The following GABBR2 variants were observed in gnomAD, a reference collection of about 807,000 sequenced individuals.
GABBR2 encodes G-protein coupled receptor 51.
A neutral mutation model predicts 105.6 loss-of-function variants in GABBR2; 23 were observed. The ratio of observed to expected loss-of-function variants is 0.22; its 90% CI spans 0.16 to 0.31. GABBR2 has a LOEUF of 0.31. Ranked by LOEUF, GABBR2 falls within the 10% of genes least tolerant of loss-of-function variation. The probability of loss-of-function intolerance (pLI) is 1.00; values close to 1 mark genes in which losing one functional copy is unlikely to be tolerated. For missense variants in GABBR2, 734 were observed against 1,245.5 expected, an observed-to-expected ratio of 0.59 and a Z score of 6.18; for synonymous variants, 478 against 499.7, an observed-to-expected ratio of 0.96 and a Z score of 0.58.
intron 6 of GABBR2, among the ~76,000 whole-genome samples, chr9:98,457,648 C>T (rs754811262): frequency 3.9e-5 from 6 of 152,130 alleles, no homozygotes; most frequent in Admixed American, 6.5e-5. Context: ...TCCTTGGAAT[C>T]AGACACAGGT....
chr9:98,520,442 T>G lies in GABBR2; in HGVS notation c.630+21431A>C, dbSNP rs534878553. Reference sequence around the variant, plus strand: ...GAAGGAGCAGATGTGTGGAGCTTGGTGACTCCCCACGGAGGGTAGGGAGGC... The same window carrying G: ...GAAGGAGCAGATGTGTGGAGCTTGGGGACTCCCCACGGAGGGTAGGGAGGC... On this transcript the variant is annotated intron_variant, in intron 3 of 18. Transcript: ENST00000259455. Among the ~76,000 whole-genome samples the G allele has an allele frequency of 2.5e-4, 38 of 152,312 alleles. 1 individual carries two copies. In the East Asian group the frequency reaches 7.0e-3, roughly 28 times the overall value.
intron 1 of GABBR2, chr9:98,607,109 GAACAA>G (rs1829436710): frequency 1.9e-6 from 3 of 1,606,420 alleles, no homozygotes; most frequent in Admixed American, 3.3e-5. Flanking sequence ...GTAGTGGGTG[GAACAA>G]TCCAAAGTTT....
chr9:98,343,614 CT>C (rs1362033733), intron 13 of GABBR2, among the ~76,000 whole-genome samples: 1 of 152,176 alleles, frequency 6.6e-6, no homozygotes, highest in Non-Finnish European at 1.5e-5. Flanking sequence ...AATCCCAGCA[CT>C]TTGGGAGGCC....
chr9:98,630,140 A>G (rs1020627344), intron 1 of GABBR2, among the ~76,000 whole-genome samples: 2 of 152,092 alleles, frequency 1.3e-5, no homozygotes, highest in African/African-American at 2.4e-5. Context: ...TGGCTCTTCT[A>G]TTACTGACAG....
At chr9:98,647,869 GC>G (rs1830046999) in intron 1 of GABBR2, among the ~76,000 whole-genome samples, 1 of 152,036 alleles carries the variant, frequency 6.6e-6, no homozygotes, top group Non-Finnish European at 1.5e-5. Context: ...CTGAAAAGAT[GC>G]CAGTTATTCA....
intron 6 of GABBR2, among the ~76,000 whole-genome samples, chr9:98,470,591 C>T (rs1174967958): frequency 1.3e-5 from 2 of 151,980 alleles, no homozygotes; most frequent in South Asian, 2.1e-4. Context: ...AGAGCTAAAC[C>T]CTATCAGTAA....
chr9:98,468,327 C>G (rs980705361), intron 6 of GABBR2, among the ~76,000 whole-genome samples: 4 of 152,174 alleles, frequency 2.6e-5, no homozygotes, highest in Non-Finnish European at 5.9e-5. Context: ...ACTGTTCTGC[C>G]CTTTTCTGTG....
chr9:98,410,120 A>AT (rs564055730), intron 7 of GABBR2, among the ~76,000 whole-genome samples: 24 of 147,302 alleles, frequency 1.6e-4, no homozygotes, highest in South Asian at 4.3e-4. Context: ...TTGAGCTGGA[A>AT]TTTTTTTTTT....
chr9:98,707,964 G>A (rs1306379879), intron 1 of GABBR2, among the ~76,000 whole-genome samples: 1 of 152,234 alleles, frequency 6.6e-6, no homozygotes, highest in Admixed American at 6.5e-5. Context: ...CGGCTTCCCT[G>A]GGGGCCTGTG....
intron 7 of GABBR2, among the ~76,000 whole-genome samples, chr9:98,453,249 C>T (rs565499012): frequency 6.6e-6 from 1 of 152,344 alleles, no homozygotes; most frequent in African/African-American, 2.4e-5. Context: ...TGCTCTCGAA[C>T]TCCTAACCTC....
At chr9:98,555,168 G>GT (rs1790230216) in intron 2 of GABBR2, among the ~76,000 whole-genome samples, 2 of 152,180 alleles carry the variant, frequency 1.3e-5, no homozygotes, top group Non-Finnish European at 2.9e-5. Context: ...GAATTAGATG[G>GT]TATTTCTTAC....
At chr9:98,309,378 C>G (rs1830602058) in intron 14 of GABBR2, among the ~76,000 whole-genome samples, 1 of 152,222 alleles carries the variant, frequency 6.6e-6, no homozygotes, top group African/African-American at 2.4e-5. Flanking sequence ...AATCAAGGAA[C>G]ATTAAGGATG....
chr9:98,666,219 A>G (rs1830331120), intron 1 of GABBR2, among the ~76,000 whole-genome samples: 1 of 152,226 alleles, frequency 6.6e-6, no homozygotes, highest in Non-Finnish European at 1.5e-5. Flanking sequence ...ACAGGGTACC[A>G]TGTTCCAGGA....
chr9:98,323,304 C>T (rs1281959213), intron 13 of GABBR2, among the ~76,000 whole-genome samples: 1 of 152,258 alleles, frequency 6.6e-6, no homozygotes, highest in Non-Finnish European at 1.5e-5. Flanking sequence ...CTGCCAGCCA[C>T]GAGCAGGCTC....
At chr9:98,340,728 A>G (rs959024747) in intron 13 of GABBR2, among the ~76,000 whole-genome samples, 1 of 152,230 alleles carries the variant, frequency 6.6e-6, no homozygotes, top group African/African-American at 2.4e-5. Flanking sequence ...CCTGATGATG[A>G]ACCATTTACC....
intron 1 of GABBR2, among the ~76,000 whole-genome samples, chr9:98,678,662 C>T (rs1004666486): frequency 2.0e-5 from 3 of 152,156 alleles, no homozygotes; most frequent in Non-Finnish European, 4.4e-5. Context: ...TTAGTGCATA[C>T]GGGGAGGTGA....
chr9:98,612,625 C>A (rs1020541339), intron 1 of GABBR2, among the ~76,000 whole-genome samples: 1 of 152,196 alleles, frequency 6.6e-6, no homozygotes, highest in Non-Finnish European at 1.5e-5. Flanking sequence ...ATTTTGAGGT[C>A]TCCTCCTCCT....
At position 98,632,887 on chromosome 9, in the gene GABBR2, A is replaced by C. The variant is rs190825280; in HGVS notation, c.322-54815T>G. On this transcript the variant is annotated intron_variant, in intron 1 of 18. Transcript: ENST00000259455. ...AACACTCAGTAGGTTTCATTCGTTC[A>C]CTCAACATTCACTGGTGCCTTCTAA... 5.9e-3 allele frequency among the ~76,000 whole-genome samples: 892 copies of C among 152,324 alleles called. 3 individuals carry two copies. The highest frequency in any genetic ancestry group is 7.4e-3 in the Non-Finnish European group (504 of 68,034).
At chr9:98,399,625 G>T (rs929150143) in intron 8 of GABBR2, among the ~76,000 whole-genome samples, 21 of 152,124 alleles carry the variant, frequency 1.4e-4, no homozygotes, top group Admixed American at 7.2e-4. Flanking sequence ...CAGGTAGGGG[G>T]TCACCTGCTA....
Sources: allele counts gnomAD v4.1 joint callset (sites outside exome capture counted in the v4.1 genomes callset), GRCh38; gene constraint gnomAD v4.1.1; transcripts MANE v1.5; gene names NCBI Gene and HGNC (gene_info 2026-07-23, HGNC 2026-07-21).